The following FBXL16 variants were observed in gnomAD, a reference collection of about 807,000 sequenced individuals.
FBXL16 encodes the protein F-box and leucine rich repeat protein 16.
Under a neutral mutation model 36.7 loss-of-function variants are expected in FBXL16, and 7 were observed. That is an observed-to-expected ratio of 0.19 (90% confidence interval 0.11 to 0.36). The LOEUF (loss-of-function observed/expected upper bound fraction) is 0.36. Among genes scored for constraint, FBXL16 ranks in the 10% least tolerant of loss-of-function variants. FBXL16 has a pLI of 1.00. For missense variants in FBXL16, 463 were observed against 659.4 expected (o/e 0.70, Z 3.26); for synonymous variants, 355 against 308.7 (o/e 1.15, Z -1.57).
intron 1 of FBXL16, among the ~76,000 whole-genome samples, chr16:705,185 C>G (rs907869343): frequency 6.6e-6 from 1 of 152,204 alleles, no homozygotes; most frequent in Non-Finnish European, 1.5e-5. Context: ...CTGAGCCGAC[C>G]AGGCGCCCGG....
At chr16:701,415 C>T (rs1353924420) in intron 1 of FBXL16, among the ~76,000 whole-genome samples, 1 of 152,258 alleles carries the variant, frequency 6.6e-6, no homozygotes, top group Non-Finnish European at 1.5e-5. Flanking sequence ...CTCACACTCC[C>T]GGCTTGACTG....
Position 694,429 on chromosome 16 carries a change from G to A in FBXL16, c.1292-6C>T. On this transcript the variant is annotated splice_region_variant and splice_polypyrimidine_tract_variant and intron_variant, in intron 5 of 5. Coordinates refer to ENST00000397621, the MANE Select transcript of FBXL16 (RefSeq NM_153350.4). ...GGTGGTGAGCAGCGGGCAGCCTGCG[G>A]CGGGGTCAGAGGGCGGCTCAGTGCG... 6.5e-7 allele frequency: 1 copy of A among 1,542,286 alleles called. No homozygotes were observed. Among genetic ancestry groups the A allele is most frequent in the Non-Finnish European group, 8.7e-7 (1 of 1,152,798 alleles).
intron 1 of FBXL16, among the ~76,000 whole-genome samples, chr16:698,994 G>C (rs2040037208): frequency 6.6e-6 from 1 of 151,924 alleles, no homozygotes; most frequent in Admixed American, 6.6e-5. Flanking sequence ...TGCAAAGAAA[G>C]GGCGGGCATC....
At position 697,771 on chromosome 16, in the gene FBXL16, C is replaced by T. The variant is rs904884711; in HGVS notation, c.-14-352G>A. On this transcript the variant is annotated intron_variant, in intron 1 of 5. Coordinates refer to ENST00000397621, the MANE Select transcript of FBXL16 (RefSeq NM_153350.4). The surrounding 1 kb of genome is among the most constrained non-coding windows in gnomAD (Gnocchi z 4.6). ...ATCCCAGCACTTTGGGAGGCCGAGG[C>T]GGGTGGATCATGAGGTCAGGAGATC... Among the ~76,000 whole-genome samples the T allele has an allele frequency of 4.7e-4, 71 of 152,076 alleles. No homozygotes were observed. Among genetic ancestry groups the T allele is most frequent in the African/African-American group, 1.6e-3 (66 of 41,496 alleles).
At position 696,133 on chromosome 16, in the gene FBXL16, G is replaced by A. The variant is rs527324199; in HGVS notation, c.634-210C>T. On this transcript the variant is annotated intron_variant, in intron 2 of 5. Transcript: ENST00000397621. ...AGCGTTACAATTAGACTCCAGACCC[G>A]GCTGCCAGGCGGCTCCTCTGACCTC... The A allele has an allele frequency of 3.9e-4, 249 of 643,706 alleles. 1 individual carries two copies. In the African/African-American group the frequency reaches 3.9e-3, roughly 10 times the overall value. The allele number at this position is 643,706 out of a possible 1,614,324, so 39.9% of individuals were successfully genotyped here.
chr16:702,813 GAGGGCCC>G (rs1394086986), intron 1 of FBXL16, among the ~76,000 whole-genome samples: 2 of 152,216 alleles, frequency 1.3e-5, no homozygotes, highest in Non-Finnish European at 2.9e-5. Context: ...TTCGGATGAG[GAGGGCCC>G]ATCTCCTTTT....
At chr16:695,176 C>T (rs1191733999) in intron 3 of FBXL16, 100 bp from the exon 4 acceptor site, 3 of 1,305,412 alleles carry the variant, frequency 2.3e-6, no homozygotes, top group African/African-American at 3.0e-5. Flanking sequence ...CTTCCTGCCC[C>T]ACCCGGAGCA....
At chr16:701,331 G>C (rs1428747829) in intron 1 of FBXL16, among the ~76,000 whole-genome samples, 1 of 152,176 alleles carries the variant, frequency 6.6e-6, no homozygotes, top group African/African-American at 2.4e-5. Flanking sequence ...TGCTTGGTGG[G>C]AGCTGCATCC....
At chr16:701,943 C>T (rs539777375) in intron 1 of FBXL16, among the ~76,000 whole-genome samples, 2 of 152,282 alleles carry the variant, frequency 1.3e-5, no homozygotes, top group South Asian at 4.1e-4. Flanking sequence ...TCCTCAGCAG[C>T]CTGAGCCTGG....
intron 1 of FBXL16, among the ~76,000 whole-genome samples, chr16:699,672 C>G (rs1017933099): frequency 2.6e-5 from 4 of 152,170 alleles, no homozygotes; most frequent in African/African-American, 4.8e-5. Context: ...GCATCTTCCC[C>G]GGTCTTAGGT....
intron 1 of FBXL16, among the ~76,000 whole-genome samples, chr16:700,446 G>A (rs968277142): frequency 1.3e-5 from 2 of 152,146 alleles, no homozygotes; most frequent in Non-Finnish European, 2.9e-5. Flanking sequence ...GGCCGGCTGG[G>A]GTCGGCACAT....
intron 1 of FBXL16, among the ~76,000 whole-genome samples, chr16:698,646 G>C (rs977462973): frequency 6.6e-6 from 1 of 152,224 alleles, no homozygotes; most frequent in Non-Finnish European, 1.5e-5. Context: ...GCTGGGTGCA[G>C]TGGCTGATGC....
intron 1 of FBXL16, among the ~76,000 whole-genome samples, chr16:704,625 G>C (rs1175587670): frequency 6.6e-6 from 1 of 152,246 alleles, no homozygotes; most frequent in East Asian, 1.9e-4. Context: ...GCACCCCACA[G>C]AGGGGGTGGG....
At chr16:700,030 CA>C (rs766392587) in intron 1 of FBXL16, among the ~76,000 whole-genome samples, 178 of 152,152 alleles carry the variant, frequency 1.2e-3, no homozygotes, top group Middle Eastern at 6.8e-3. Flanking sequence ...ATAATCTGGT[CA>C]GGGGGGAGGG....
chr16:705,196 G>A (rs775896009), intron 1 of FBXL16, among the ~76,000 whole-genome samples: 53 of 152,204 alleles, frequency 3.5e-4, no homozygotes, highest in Non-Finnish European at 6.3e-4. Flanking sequence ...AGGCGCCCGG[G>A]GTGGAGGCCG....
At chr16:704,436 C>T (rs572347492) in intron 1 of FBXL16, among the ~76,000 whole-genome samples, 7 of 152,308 alleles carry the variant, frequency 4.6e-5, no homozygotes, top group South Asian at 2.1e-4. Context: ...CCCCACACAG[C>T]GATGTTTGCA....
rs1294284106 is a variant in FBXL16 at position 694,713 on chromosome 16, G to A, written c.1228-16C>T. 2 of 1,597,458 alleles carry A rather than the reference G, an allele frequency of 1.3e-6. No individual in the cohort carries two copies. Among genetic ancestry groups the A allele is most frequent in the South Asian group, 2.3e-5 (2 of 88,340 alleles). ...AGTCTTGCACCTGTCGGGAGTGGAGGAGCGACTTAACGATTTCCGCTCGCA... is the reference window on the plus strand; with the variant it reads ...AGTCTTGCACCTGTCGGGAGTGGAGAAGCGACTTAACGATTTCCGCTCGCA... On this transcript the variant is annotated splice_polypyrimidine_tract_variant and intron_variant, in intron 4 of 5. Transcript: ENST00000397621.
intron 1 of FBXL16, 33 bp downstream of exon 1, chr16:705,479 C>G (rs2040086353): frequency 6.6e-6 from 1 of 150,582 alleles, no homozygotes; most frequent in Non-Finnish European, 1.5e-5. Flanking sequence ...GGCCCCCTCC[C>G]GGCCCCGCAG....
intron 1 of FBXL16, among the ~76,000 whole-genome samples, chr16:704,144 C>T (rs12443660): frequency 6.6e-6 from 1 of 152,354 alleles, no homozygotes; most frequent in East Asian, 1.9e-4. Flanking sequence ...CTTCGGGTGG[C>T]TGAACAGTGC....
Sources: allele counts gnomAD v4.1 joint callset (sites outside exome capture counted in the v4.1 genomes callset), GRCh38; gene constraint gnomAD v4.1.1; non-coding constraint Gnocchi (gnomAD v3.1); transcripts MANE v1.5; gene names NCBI Gene and HGNC (gene_info 2026-07-23, HGNC 2026-07-21).